RBFOX1: variants seen among roughly 807,000 people sequenced by gnomAD.
The protein encoded by RBFOX1 is RNA binding fox-1 homolog 1, also known as RNA binding protein fox-1 homolog 1.
RBFOX1 carries 8 observed loss-of-function variants against 57.7 expected under a neutral mutation model. That is an observed-to-expected ratio of 0.14 (90% confidence interval 0.08 to 0.25). The LOEUF is 0.25. Among genes scored for constraint, RBFOX1 ranks in the 10% least tolerant of loss-of-function variants. RBFOX1 has a pLI of 1.00. For synonymous variants in RBFOX1, 326 were observed against 222.4 expected, an observed-to-expected ratio of 1.47 and a Z score of -4.15; for missense variants, 611 against 548.5, an observed-to-expected ratio of 1.11 and a Z score of -1.14.
chr16:7,358,406 G>GT (rs2097258069), intron 4 of RBFOX1, among the ~76,000 whole-genome samples: 1 of 151,982 alleles, frequency 6.6e-6, no homozygotes. Flanking sequence ...AAGTATTTTT[G>GT]TGTTTTTTGT....
At chr16:7,612,129 G>T (rs1308569968) in intron 10 of RBFOX1, among the ~76,000 whole-genome samples, 2 of 151,860 alleles carry the variant, frequency 1.3e-5, no homozygotes, top group Non-Finnish European at 2.9e-5. Context: ...AGACCATCCT[G>T]GCTAACACGA....
At chr16:7,650,188 G>T (rs569904538) in intron 11 of RBFOX1, among the ~76,000 whole-genome samples, 1 of 152,256 alleles carries the variant, frequency 6.6e-6, no homozygotes, top group South Asian at 2.1e-4. Context: ...TCACGAAAGG[G>T]CCCCTTGGCC....
intron 3 of RBFOX1, among the ~76,000 whole-genome samples, chr16:5,655,722 G>A (rs1197056256): frequency 6.6e-6 from 1 of 152,128 alleles, no homozygotes; most frequent in Admixed American, 6.5e-5. Context: ...CCCTTGAGAA[G>A]GTCGAAGTGG....
At chr16:5,334,578 G>T (rs906299573) in intron 1 of RBFOX1, among the ~76,000 whole-genome samples, 8 of 151,844 alleles carry the variant, frequency 5.3e-5, no homozygotes, top group African/African-American at 1.9e-4. Flanking sequence ...AGAGGAGGAG[G>T]AATAATACCC....
At chr16:7,443,598 A>G (rs2098786359) in intron 4 of RBFOX1, among the ~76,000 whole-genome samples, 2 of 152,146 alleles carry the variant, frequency 1.3e-5, no homozygotes, top group African/African-American at 2.4e-5. Flanking sequence ...TTTTTAAGCC[A>G]TTTCATTAAT....
At chr16:5,791,464 C>T (rs1305103475) in intron 3 of RBFOX1, among the ~76,000 whole-genome samples, 1 of 152,122 alleles carries the variant, frequency 6.6e-6, no homozygotes, top group African/African-American at 2.4e-5. Flanking sequence ...CCCCTGGGAT[C>T]TTGGCCAGGA....
downstream of RBFOX1, among the ~76,000 whole-genome samples, chr16:5,603,903 C>G (rs1035389537): frequency 7.2e-5 from 11 of 152,162 alleles, no homozygotes; most frequent in African/African-American, 2.4e-4. Context: ...ATTATTTTTT[C>G]TCTCTTTCTT....
chr16:5,307,515 G>T (rs924753749), intron 1 of RBFOX1, among the ~76,000 whole-genome samples: 3 of 152,134 alleles, frequency 2.0e-5, no homozygotes, highest in Non-Finnish European at 4.4e-5. Context: ...ACTATTTTCT[G>T]AGGGTGCCAC....
chr16:6,035,718 G>T (rs1375497501), intron 1 of RBFOX1, among the ~76,000 whole-genome samples: 1 of 152,092 alleles, frequency 6.6e-6, no homozygotes, highest in Non-Finnish European at 1.5e-5. Context: ...AGAATCCTCA[G>T]TGCATCTCTC....
chr16:6,300,087 G>T (rs1036066728), intron 1 of RBFOX1, among the ~76,000 whole-genome samples: 7 of 152,106 alleles, frequency 4.6e-5, no homozygotes, highest in Admixed American at 1.3e-4. Context: ...AATAAGCCAG[G>T]CACAGGGGAA....
chr16:5,840,882 G>C (rs944612940), intron 3 of RBFOX1, among the ~76,000 whole-genome samples: 1 of 152,174 alleles, frequency 6.6e-6, no homozygotes, highest in African/African-American at 2.4e-5. Flanking sequence ...ACTGCCAGAA[G>C]CTTCCTGCCA....
chr16:6,530,001 CAA>C lies in RBFOX1; in HGVS notation c.-63-124601_-63-124600del, dbSNP rs1379440038. On this transcript the variant is annotated intron_variant, in intron 2 of 15. Transcript: ENST00000550418. ...CCCTTTTGGTTATTAGATATAGTCTCAATGGGTATTTATGTCTCTGTCATTTT... is the reference window on the plus strand; with the variant it reads ...CCCTTTTGGTTATTAGATATAGTCTCTGGGTATTTATGTCTCTGTCATTTT... 2.0e-5 allele frequency among the ~76,000 whole-genome samples: 3 copies of C among 152,118 alleles called. No individual in the cohort carries two copies. In the East Asian group the frequency reaches 5.8e-4, roughly 29 times the overall value.
At chr16:6,450,804 T>C (rs1205247629) in intron 2 of RBFOX1, among the ~76,000 whole-genome samples, 363 of 10,396 alleles carry the variant, frequency 0.035, 31 homozygotes, top group East Asian at 0.27. Context: ...TATATATGTA[T>C]ATATATATAT....
intron 2 of RBFOX1, among the ~76,000 whole-genome samples, chr16:6,593,235 C>A (rs534997137): frequency 6.6e-5 from 10 of 152,142 alleles, no homozygotes; most frequent in Non-Finnish European, 4.4e-5. Context: ...CCCTCTTCCA[C>A]GTACCCATCT....
At chr16:5,982,890 G>T (rs1384195518) in intron 4 of RBFOX1, among the ~76,000 whole-genome samples, 1 of 152,190 alleles carries the variant, frequency 6.6e-6, no homozygotes, top group Non-Finnish European at 1.5e-5. Flanking sequence ...TCTGGCAGAT[G>T]AATGCTTTAA....
At chr16:5,741,123 T>G (rs1240895700) in intron 3 of RBFOX1, among the ~76,000 whole-genome samples, 1 of 152,164 alleles carries the variant, frequency 6.6e-6, no homozygotes, top group East Asian at 1.9e-4. Flanking sequence ...AGAACTGGGA[T>G]AGTGGTCCAG....
chr16:7,333,261 C>T (rs1320054934), intron 4 of RBFOX1, among the ~76,000 whole-genome samples: 3 of 152,216 alleles, frequency 2.0e-5, no homozygotes, highest in Non-Finnish European at 4.4e-5. Flanking sequence ...TAGCTATCGA[C>T]ATCTCTCATG....
At position 5,293,531 on chromosome 16, in the gene RBFOX1, G is replaced by T. The variant is rs184438482; in HGVS notation, c.219+53426G>T. 4.4e-3 allele frequency among the ~76,000 whole-genome samples: 673 copies of T among 152,272 alleles called. 6 individuals are homozygous for T. The highest frequency in any genetic ancestry group is 7.8e-3 in the Non-Finnish European group (531 of 68,022). On this transcript the variant is annotated intron_variant, in intron 1 of 2. Coordinates refer to the RBFOX1 transcript ENST00000585867. ...CAATACCAAGGCTCTCTCTCACTTA[G>T]CATGATGTTTCCAAGGTCCATCCAC... is the stretch of plus-strand genomic sequence containing the variant.
At chr16:6,954,634 A>G (rs2081394252) in intron 3 of RBFOX1, among the ~76,000 whole-genome samples, 1 of 152,138 alleles carries the variant, frequency 6.6e-6, no homozygotes, top group Admixed American at 6.6e-5. Flanking sequence ...AAAAAGAGGC[A>G]TGATTTTTCT....
Sources: gnomAD v4.1 joint callset for allele counts (sites outside exome capture counted in the v4.1 genomes callset) on GRCh38, gnomAD v4.1.1 for gene constraint, MANE v1.5 for transcripts, NCBI Gene and HGNC (gene_info 2026-07-23, HGNC 2026-07-21) for gene names.